Variants in JAK2 observed in about 807,000 individuals in gnomAD.
JAK2 encodes tyrosine-protein kinase JAK2.
Under a neutral mutation model 139.3 loss-of-function variants are expected in JAK2, and 86 were observed. The observed-to-expected ratio is 0.62, with a 90% CI of 0.52 to 0.74. The LOEUF (loss-of-function observed/expected upper bound fraction) is 0.74, where lower values mean the gene tolerates loss of function less well. Among genes scored for constraint, JAK2 ranks in the 30% least tolerant of loss-of-function variants. The pLI, the probability that JAK2 is intolerant of heterozygous loss-of-function variation, is 0.00. For missense variants in JAK2, 1,421 were observed against 1,360.3 expected, an observed-to-expected ratio of 1.04 and a Z score of -0.70; for synonymous variants, 490 against 437.7, an observed-to-expected ratio of 1.12 and a Z score of -1.49.
chr9:5,046,319 G>T (rs771613618), intron 5 of JAK2, among the ~76,000 whole-genome samples: 5 of 152,082 alleles, frequency 3.3e-5, no homozygotes, highest in Non-Finnish European at 2.9e-5. Context: ...CTCCTTATAA[G>T]ATACATGATT....
rs143710625 is a variant in JAK2, at chr9:4,988,934, C to G, written c.-26+2912C>G. 2.0e-5 allele frequency among the ~76,000 whole-genome samples: 3 copies of G among 152,260 alleles called. No individual in the cohort carries two copies. The East Asian group carries it at 5.8e-4, about 29-fold the overall frequency. ...CATATTTCCTTTCTTTCTCATATCT[C>G]TGCTTTCCCTCCTTTACTGTGTGAA... On this transcript the variant is annotated intron_variant, in intron 2 of 24. Coordinates refer to ENST00000381652, the MANE Select transcript of JAK2 (RefSeq NM_004972.4).
At chr9:5,089,237 T>A (rs997320278) in intron 19 of JAK2, among the ~76,000 whole-genome samples, 1 of 152,138 alleles carries the variant, frequency 6.6e-6, no homozygotes, top group East Asian at 1.9e-4. Flanking sequence ...TTCCTTAATA[T>A]AAGCTTAAAG....
chr9:5,125,694 G>C (rs900835094), intron 23 of JAK2, among the ~76,000 whole-genome samples: 4 of 76,584 alleles, frequency 5.2e-5, no homozygotes, highest in South Asian at 3.7e-4. Context: ...CAAGTTGATA[G>C]GGGAGAAGTT....
Position 5,037,095 on chromosome 9 carries a change from G to GAC in JAK2, c.350+7191_350+7192dup, listed in dbSNP as rs572435710. On this transcript the variant is annotated intron_variant, in intron 4 of 24. Coordinates refer to ENST00000381652, the MANE Select transcript of JAK2 (RefSeq NM_004972.4). ...AAAGAAGACATTTATGCAGCCAAAAGACATGAAAAAATGCTCATCACCACT... is the reference window on the plus strand; with the variant it reads ...AAAGAAGACATTTATGCAGCCAAAAGACACATGAAAAAATGCTCATCACCACT... Among the ~76,000 whole-genome samples the GAC allele has an allele frequency of 1.8e-3, 274 of 151,992 alleles. 1 individual carries two copies. Among genetic ancestry groups the GAC allele is most frequent in the African/African-American group, 6.4e-3 (266 of 41,502 alleles).
rs1033718713 is a variant in JAK2, at chr9:5,085,014, A to C, written c.2571+3153A>C. 5 of 841,774 alleles carry C rather than the reference A, an allele frequency of 5.9e-6. No individual in the cohort carries two copies. In the East Asian group the frequency reaches 1.9e-4, roughly 32 times the overall value. The allele number at this position is 841,774 out of a possible 1,614,324, so 52.1% of individuals were successfully genotyped here. On this transcript the variant is annotated intron_variant, in intron 19 of 24. Coordinates refer to ENST00000381652, the MANE Select transcript of JAK2 (RefSeq NM_004972.4). ...GAGTTGTCATTTATGTCTTGTGAGTACAATTTCTGAAAGTTGAATGAGGGC... is the reference window on the plus strand; with the variant it reads ...GAGTTGTCATTTATGTCTTGTGAGTCCAATTTCTGAAAGTTGAATGAGGGC...
intron 4 of JAK2, chr9:5,041,821 C>T (rs915805609): frequency 5.8e-5 from 28 of 482,412 alleles, no homozygotes; most frequent in Non-Finnish European, 1.1e-4. Context: ...AAAAACCAGG[C>T]GCTGAACTCC....
Position 5,120,283 on chromosome 9 carries a change from C to T in JAK2, c.3060-2721C>T, listed in dbSNP as rs1176986522. Among the ~76,000 whole-genome samples the T allele has an allele frequency of 1.3e-4, 20 of 152,312 alleles. 1 individual carries two copies. The East Asian group carries it at 2.5e-3, about 19-fold the overall frequency. ...ATTCATGAGGGAGAAGCCCTCATGG[C>T]GTAATCATCTCTTAAAGGCCCCACC... On this transcript the variant is annotated intron_variant, in intron 22 of 24. Coordinates refer to ENST00000381652, the MANE Select transcript of JAK2 (RefSeq NM_004972.4).
chr9:5,085,355 A>C, intron 19 of JAK2: 1 of 899,574 alleles, frequency 1.1e-6, no homozygotes, highest in Non-Finnish European at 1.9e-6. Flanking sequence ...TTTTTTCCGT[A>C]CTGATAGGTG....
At chr9:5,004,387 T>A (rs1354792441) in intron 2 of JAK2, among the ~76,000 whole-genome samples, 1 of 152,228 alleles carries the variant, frequency 6.6e-6, no homozygotes, top group East Asian at 1.9e-4. Context: ...TCATACAGTT[T>A]TGTCTTTCTG....
rs1450983708 is a variant in JAK2 at position 5,090,644 on chromosome 9, GT to G, written c.2886+78del. ...GTAGACATTAGGAAATCATCTAGAC[GT>G]TTTCATAGATAATAAAGGGAATATA... On this transcript the variant is annotated intron_variant, in intron 21 of 24. Transcript: ENST00000381652. 2.0e-6 allele frequency: 3 copies of G among 1,512,490 alleles called. No individual in the cohort carries two copies. The African/African-American group carries it at 4.2e-5, about 21-fold the overall frequency. The allele number at this position is 1,512,490 out of a possible 1,614,324, so 93.7% of individuals were successfully genotyped here. A position where few individuals can be genotyped will look rare whatever the true frequency, so the allele number is the denominator to read the frequency against.
At chr9:4,990,857 G>A (rs1193261956) in intron 2 of JAK2, among the ~76,000 whole-genome samples, 2 of 152,138 alleles carry the variant, frequency 1.3e-5, no homozygotes, top group Admixed American at 6.5e-5. Flanking sequence ...TGACAGTTGG[G>A]TGATCAGTGG....
chr9:5,054,485 ACTT>A lies in JAK2; in HGVS notation c.615-74_615-72del. The A allele has an allele frequency of 1.6e-6, 2 of 1,239,074 alleles. No homozygotes were observed. The highest frequency in any genetic ancestry group is 2.3e-6 in the Non-Finnish European group (2 of 884,252). 76.8% of individuals were successfully genotyped at this position (1,239,074 alleles called of 1,614,324 possible). On this transcript the variant is annotated intron_variant, in intron 6 of 24. Transcript: ENST00000381652. This position sits in a 1 kb window ranked among gnomAD's most constrained non-coding sequence, Gnocchi z 4.9. The stretch of plus-strand genomic sequence containing the variant: ...TACTTAATCATGGAAAAAGGTGGTA[ACTT>A]CTTTTTCAATTTTTAGATTTATCTT...
Position 5,054,568 on chromosome 9 carries a change from A to C in JAK2, c.620A>C (p.Lys207Thr), listed in dbSNP as rs1244712025. ...PLAIYNSISY[K>T]TFLPKCIRAK... ...ATGTGCTTTTTTATCCCTAGCTACA[A>C]GACATTCTTACCAAAATGTATTCGA... Residue 207 changes from lysine (K) to threonine (T), a missense_variant, in exon 7 of 25, where the codon AAG becomes ACG. By Grantham distance (78) the Lys-to-Thr change is moderately conservative. Transcript: ENST00000381652. The surrounding 1 kb of genome is among the most constrained non-coding windows in gnomAD (Gnocchi z 4.9). The C allele has an allele frequency of 6.3e-7, 1 of 1,578,424 alleles. No homozygotes were observed. The highest frequency in any genetic ancestry group is 8.6e-7 in the Non-Finnish European group (1 of 1,160,994).
intron 5 of JAK2, among the ~76,000 whole-genome samples, chr9:5,049,965 T>C (rs1006927488): frequency 2.0e-5 from 3 of 152,192 alleles, no homozygotes; most frequent in African/African-American, 7.2e-5. Flanking sequence ...TACAATCTTA[T>C]GGAACCATCG....
At chr9:4,992,636 C>G (rs1820323538) in intron 2 of JAK2, among the ~76,000 whole-genome samples, 1 of 152,160 alleles carries the variant, frequency 6.6e-6, no homozygotes, top group South Asian at 2.1e-4. Context: ...AGTATCTCAT[C>G]ATATAAATCA....
chr9:5,075,352 C>T (rs1819239063), intron 14 of JAK2, among the ~76,000 whole-genome samples: 1 of 152,204 alleles, frequency 6.6e-6, no homozygotes, highest in African/African-American at 2.4e-5. Flanking sequence ...AGGACTTCCA[C>T]AGCTAGAGAG....
intron 22 of JAK2, chr9:5,108,402 C>T (rs900203064): frequency 1.3e-5 from 2 of 152,118 alleles, no homozygotes; most frequent in South Asian, 4.1e-4. Context: ...CCTTCCTCTA[C>T]TTGTTACACT....
At chr9:5,009,407 T>G (rs1821538945) in intron 2 of JAK2, among the ~76,000 whole-genome samples, 1 of 152,030 alleles carries the variant, frequency 6.6e-6, no homozygotes, top group African/African-American at 2.4e-5. Flanking sequence ...CACTATGAAA[T>G]GCCCAGGCTG....
intron 2 of JAK2, among the ~76,000 whole-genome samples, chr9:4,996,809 C>G (rs955707229): frequency 2.0e-5 from 3 of 151,898 alleles, no homozygotes; most frequent in Non-Finnish European, 4.4e-5. Context: ...AAATATACCT[C>G]CATTGTAGTA....
Sources: gnomAD v4.1 joint callset for allele counts (sites outside exome capture counted in the v4.1 genomes callset) on GRCh38, gnomAD v4.1.1 for gene constraint, Gnocchi (gnomAD v3.1) non-coding constraint, MANE v1.5 for transcripts, NCBI Gene and HGNC (gene_info 2026-07-23, HGNC 2026-07-21) for gene names.